RBFOX2: variants seen among roughly 807,000 people sequenced by gnomAD.
The protein encoded by RBFOX2 is RNA binding protein fox-1 homolog 2.
RBFOX2 carries 10 observed loss-of-function variants against 49.1 expected under a neutral mutation model. The observed-to-expected ratio is 0.20, with a 90% CI of 0.13 to 0.35. The LOEUF is 0.35. Among genes scored for constraint, RBFOX2 ranks in the 10% least tolerant of loss-of-function variants. The probability of loss-of-function intolerance (pLI) is 1.00; values close to 1 mark genes in which losing one functional copy is unlikely to be tolerated. For synonymous variants in RBFOX2, 183 were observed against 187.4 expected, an observed-to-expected ratio of 0.98 and a Z score of 0.19; for missense variants, 323 against 486.9, an observed-to-expected ratio of 0.66 and a Z score of 3.17.
At position 35,889,497 on chromosome 22, in the gene RBFOX2, C is replaced by T. The variant is rs545807656; in HGVS notation, c.-34+49350G>A. The stretch of plus-strand genomic sequence containing the variant: ...CCTTCTGAATCTCTCAATACAGTTC[C>T]GCTTCCCTCCAGCCCATTCTATCAT... On this transcript the variant is annotated intron_variant, in intron 1 of 13. Transcript: ENST00000359369. Among the ~76,000 whole-genome samples the T allele has an allele frequency of 1.5e-4, 23 of 152,212 alleles. No individual in the cohort carries two copies. The South Asian group carries it at 3.5e-3, about 23-fold the overall frequency.
At chr22:35,900,200 G>A (rs1233706825) in intron 1 of RBFOX2, among the ~76,000 whole-genome samples, 12 of 152,040 alleles carry the variant, frequency 7.9e-5, no homozygotes, top group Non-Finnish European at 1.5e-4. Flanking sequence ...TGCAACCTCC[G>A]CCTCCCGGGT....
intron 1 of RBFOX2, among the ~76,000 whole-genome samples, chr22:35,889,091 G>A (rs945214999): frequency 6.6e-6 from 1 of 152,066 alleles, no homozygotes; most frequent in Non-Finnish European, 1.5e-5. Flanking sequence ...GGAGGCGAAG[G>A]GTGCAGTGAG....
intron 4 of RBFOX2, among the ~76,000 whole-genome samples, chr22:35,776,504 C>G (rs1362355483): frequency 9.2e-5 from 14 of 152,160 alleles, no homozygotes; most frequent in Admixed American, 9.2e-4. Flanking sequence ...AGCATTAGAA[C>G]AGCACATACA....
At chr22:36,016,905 C>CT (rs2146462398) in intron 1 of RBFOX2, among the ~76,000 whole-genome samples, 1 of 152,302 alleles carries the variant, frequency 6.6e-6, no homozygotes, top group African/African-American at 2.4e-5. Flanking sequence ...CTCTCATTCC[C>CT]TTCTCAGAAT....
At chr22:35,900,410 A>T (rs1284944944) in intron 1 of RBFOX2, among the ~76,000 whole-genome samples, 2 of 151,994 alleles carry the variant, frequency 1.3e-5, no homozygotes, top group East Asian at 1.9e-4. Flanking sequence ...GAGCCAGCAC[A>T]ATTTCTCAAA....
At chr22:35,762,497 C>T (rs1226731540) in intron 6 of RBFOX2, among the ~76,000 whole-genome samples, 1 of 149,914 alleles carries the variant, frequency 6.7e-6, no homozygotes, top group Non-Finnish European at 1.5e-5. Context: ...CCAGAATTGG[C>T]CTCCTCTTTT....
chr22:35,751,354 A>G (rs1477534417), intron 9 of RBFOX2, among the ~76,000 whole-genome samples: 2 of 152,130 alleles, frequency 1.3e-5, no homozygotes, highest in Non-Finnish European at 2.9e-5. Context: ...AGCAGACAAA[A>G]TGAAAGCTTG....
At chr22:35,776,165 T>C (rs1379522945) in intron 4 of RBFOX2, among the ~76,000 whole-genome samples, 1 of 152,176 alleles carries the variant, frequency 6.6e-6, no homozygotes, top group Non-Finnish European at 1.5e-5. Context: ...TTCTTATCTC[T>C]AAACCACTGT....
intron 1 of RBFOX2, among the ~76,000 whole-genome samples, chr22:36,024,518 A>AG (rs1379812397): frequency 6.6e-6 from 1 of 152,078 alleles, no homozygotes; most frequent in Non-Finnish European, 1.5e-5. Flanking sequence ...AACGCAGGCG[A>AG]TCACCTGAGG....
intron 6 of RBFOX2, among the ~76,000 whole-genome samples, chr22:35,764,572 G>A (rs1371450129): frequency 2.2e-5 from 3 of 138,200 alleles, no homozygotes; most frequent in East Asian, 4.5e-4. Flanking sequence ...GTGACAAAGC[G>A]AGACTCCGTC....
upstream of RBFOX2, among the ~76,000 whole-genome samples, chr22:35,965,678 T>C (rs1282763758): frequency 6.6e-6 from 1 of 152,200 alleles, no homozygotes; most frequent in African/African-American, 2.4e-5. Flanking sequence ...AAACAGCATG[T>C]TGAATATCTG....
chr22:35,739,121 G>C (rs1042597759), exon 12 of RBFOX2: 4 of 154,200 alleles, frequency 2.6e-5, no homozygotes, highest in African/African-American at 9.6e-5. Flanking sequence ...GGGAGGACGG[G>C]AGGGGAGAGA....
At chr22:35,974,692 C>CA (rs2057055196) in intron 1 of RBFOX2, among the ~76,000 whole-genome samples, 2 of 151,990 alleles carry the variant, frequency 1.3e-5, no homozygotes, top group African/African-American at 4.8e-5. Context: ...GTATCAAAAA[C>CA]AAAAACAACA....
At position 35,761,300 on chromosome 22, in the gene RBFOX2, T is replaced by A; in HGVS notation, c.662-6A>T. On this transcript the variant is annotated splice_region_variant and splice_polypyrimidine_tract_variant and intron_variant, in intron 7 of 11. Coordinates refer to ENST00000405409, the Ensembl canonical transcript of RBFOX2. The stretch of plus-strand genomic sequence containing the variant: ...ATCTGCTTGAAAGCTGGATGCTGAT[T>A]GGATTTTTAAAAAATTTAAAAATGC... The A allele has an allele frequency of 1.2e-6, 2 of 1,614,132 alleles. No homozygotes were observed. The highest frequency in any genetic ancestry group is 1.7e-6 in the Non-Finnish European group (2 of 1,179,990).
At chr22:35,892,773 T>C (rs907677770) in intron 1 of RBFOX2, among the ~76,000 whole-genome samples, 5 of 152,184 alleles carry the variant, frequency 3.3e-5, no homozygotes, top group African/African-American at 1.2e-4. Flanking sequence ...ATTCACTTCA[T>C]GGAATTTCAG....
chr22:35,940,687 A>C (rs950768980), upstream of RBFOX2, among the ~76,000 whole-genome samples: 2 of 152,328 alleles, frequency 1.3e-5, no homozygotes, highest in African/African-American at 4.8e-5. Flanking sequence ...GAAAAAAACC[A>C]AAATGTCCGT....
At chr22:35,937,221 A>G (rs1274282320) in intron 1 of RBFOX2, among the ~76,000 whole-genome samples, 1 of 152,254 alleles carries the variant, frequency 6.6e-6, no homozygotes, top group Non-Finnish European at 1.5e-5. Context: ...TTTTTCTGAT[A>G]TATGACTAAG....
At chr22:35,921,696 C>T (rs1462047128) in intron 1 of RBFOX2, among the ~76,000 whole-genome samples, 1 of 152,202 alleles carries the variant, frequency 6.6e-6, no homozygotes, top group African/African-American at 2.4e-5. Flanking sequence ...AAGCAGTCAG[C>T]AAATAACAAT....
intron 1 of RBFOX2, among the ~76,000 whole-genome samples, chr22:35,909,228 TGA>T (rs1397229367): frequency 2.1e-4 from 32 of 152,124 alleles, no homozygotes; most frequent in Admixed American, 2.1e-3. Flanking sequence ...GAGGCCAAGG[TGA>T]GAGGATCGCT....
Sources: allele counts gnomAD v4.1 joint callset (sites outside exome capture counted in the v4.1 genomes callset), GRCh38; gene constraint gnomAD v4.1.1; transcripts MANE v1.5; gene names NCBI Gene and HGNC (gene_info 2026-07-23, HGNC 2026-07-21).